The following CLCN3 variants were observed in gnomAD, a reference collection of about 807,000 sequenced individuals.
CLCN3 encodes H(+)/Cl(-) exchange transporter 3.
CLCN3 carries 16 observed loss-of-function variants against 83.4 expected under a neutral mutation model. That is an observed-to-expected ratio of 0.19 (90% confidence interval 0.13 to 0.29). CLCN3 has a LOEUF of 0.29. CLCN3 is among the 10% of genes least tolerant of loss of function. CLCN3 has a pLI of 1.00. For synonymous variants in CLCN3, 322 were observed against 346.2 expected (o/e 0.93, Z 0.78); for missense variants, 544 against 1,006.0 (o/e 0.54, Z 6.21).
rs894607013 is a variant in CLCN3, at chr4:169,723,671, A to G, written c.*3674A>G. The G allele has an allele frequency of 6.6e-6, 1 of 152,254 alleles. No individual in the cohort carries two copies. The highest frequency in any genetic ancestry group is 2.4e-5 in the African/African-American group (1 of 41,470). 9.4% of individuals were successfully genotyped at this position (152,254 alleles called of 1,614,324 possible). A position where few individuals can be genotyped will look rare whatever the true frequency, so the allele number is the denominator to read the frequency against. On this transcript the variant is annotated 3_prime_UTR_variant, in exon 13 of 13. Transcript: ENST00000513761. ...GCTTTTAGTAAAAAGGAACACACTA[A>G]AAGTTCAGAGTAGATCATTTATATT...
intron 1 of CLCN3, among the ~76,000 whole-genome samples, chr4:169,621,869 TGTTCA>T (rs1420235608): frequency 6.6e-6 from 1 of 152,226 alleles, no homozygotes; most frequent in Non-Finnish European, 1.5e-5. Context: ...AAATAATATT[TGTTCA>T]GTTCAGGAGT....
At chr4:169,633,882 A>T (rs1773441799) in intron 1 of CLCN3, among the ~76,000 whole-genome samples, 1 of 152,156 alleles carries the variant, frequency 6.6e-6, no homozygotes, top group Non-Finnish European at 1.5e-5. Context: ...CAATGGCTCG[A>T]TAGCCGTATG....
In CLCN3 at chr4:169,720,061, T is replaced by C. The variant is rs779171393; in HGVS notation, c.*64T>C. ...GTTTATTTGTTGAATAGCACAACTC[T>C]TTAACCTGAGGGAGTCATCTACTTT... On this transcript the variant is annotated 3_prime_UTR_variant, in exon 13 of 13. Coordinates refer to ENST00000513761, the MANE Select transcript of CLCN3 (RefSeq NM_001829.4). 4.4e-6 allele frequency: 7 copies of C among 1,595,134 alleles called. No individual in the cohort carries two copies. The highest frequency in any genetic ancestry group is 6.0e-6 in the Non-Finnish European group (7 of 1,173,186).
intron 2 of CLCN3, among the ~76,000 whole-genome samples, chr4:169,645,960 A>G (rs542523229): frequency 6.6e-6 from 1 of 152,102 alleles, no homozygotes; most frequent in Non-Finnish European, 1.5e-5. Flanking sequence ...AAATTATCCT[A>G]GTAATTTCTG....
At chr4:169,719,831 GGATTTAGCTATA>G in intron 12 of CLCN3, 64 bp from the exon 13 acceptor site, 1 of 1,209,794 alleles carries the variant, frequency 8.3e-7, no homozygotes, top group East Asian at 2.4e-5. Flanking sequence ...TCAACAAAAA[GGATTTAGCTATA>G]GATTTAGCTT....
intron 9 of CLCN3, among the ~76,000 whole-genome samples, chr4:169,699,346 A>T (rs1732688533): frequency 6.6e-6 from 1 of 152,200 alleles, no homozygotes; most frequent in South Asian, 2.1e-4. Flanking sequence ...AGTAAATATA[A>T]TTTCTTATGT....
intron 1 of CLCN3, among the ~76,000 whole-genome samples, chr4:169,634,334 G>GT (rs1328035774): frequency 6.6e-6 from 1 of 152,164 alleles, no homozygotes; most frequent in Non-Finnish European, 1.5e-5. Flanking sequence ...TAAAAACAGA[G>GT]TGTCTGTGTT....
At chr4:169,698,219 T>C (rs1215887978) in intron 9 of CLCN3, among the ~76,000 whole-genome samples, 4 of 152,210 alleles carry the variant, frequency 2.6e-5, no homozygotes, top group Non-Finnish European at 5.9e-5. Flanking sequence ...ACCTCAAGCA[T>C]TTATCCCTTG....
At position 169,720,139 on chromosome 4, in the gene CLCN3, A is replaced by C; in HGVS notation, c.*142A>C. On this transcript the variant is annotated 3_prime_UTR_variant, in exon 13 of 13. Transcript: ENST00000513761. The stretch of plus-strand genomic sequence containing the variant: ...GAAATATAAAAGCCGGGTTTTTGCA[A>C]CATGGTTTGCAAATAATGCTGGTGG... 7.6e-7 allele frequency: 1 copy of C among 1,309,880 alleles called. No individual in the cohort carries two copies. The highest frequency in any genetic ancestry group is 2.2e-5 in the Admixed American group (1 of 44,712). The allele number at this position is 1,309,880 out of a possible 1,614,324, so 81.1% of individuals were successfully genotyped here. A position where few individuals can be genotyped will look rare whatever the true frequency, so the allele number is the denominator to read the frequency against.
In CLCN3 at chr4:169,621,068, G is replaced by A; in HGVS notation, c.-17+5G>A. The A allele has an allele frequency of 2.5e-6, 1 of 397,172 alleles. No individual in the cohort carries two copies. Among genetic ancestry groups the A allele is most frequent in the East Asian group, 3.6e-5 (1 of 28,036 alleles). The allele number at this position is 397,172 out of a possible 1,614,324, so 24.6% of individuals were successfully genotyped here. The stretch of plus-strand genomic sequence containing the variant: ...GCTATGTCTCTGAGCTGCGAGGTGA[G>A]TTGCATTGTATGAGCGAAGAGTTGT... On this transcript the variant is annotated splice_donor_5th_base_variant and intron_variant, in intron 1 of 12. Coordinates refer to ENST00000513761, the MANE Select transcript of CLCN3 (RefSeq NM_001829.4).
In CLCN3 at chr4:169,620,618, C is replaced by G. The variant is rs1006509830; in HGVS notation, c.-462C>G. 4 of 397,336 alleles carry G rather than the reference C, an allele frequency of 1.0e-5. No homozygotes were observed. The highest frequency in any genetic ancestry group is 6.2e-5 in the African/African-American group (3 of 48,642). 24.6% of individuals were successfully genotyped at this position (397,336 alleles called of 1,614,324 possible). A position where few individuals can be genotyped will look rare whatever the true frequency, so the allele number is the denominator to read the frequency against. ...GGGTCAGGGCCGGTCCGGTCCGGAA[C>G]CTGCAGCCCCTTTCCCAGTGTTCTA... On this transcript the variant is annotated 5_prime_UTR_variant, in exon 1 of 13. Coordinates refer to ENST00000513761, the MANE Select transcript of CLCN3 (RefSeq NM_001829.4).
At chr4:169,674,210 A>ACATTT (rs1731589477) in intron 2 of CLCN3, among the ~76,000 whole-genome samples, 1 of 152,110 alleles carries the variant, frequency 6.6e-6, no homozygotes, top group African/African-American at 2.4e-5. Context: ...CATAACCTTG[A>ACATTT]CATTTTTGGA....
At chr4:169,667,156 A>C (rs1347041338) in intron 2 of CLCN3, among the ~76,000 whole-genome samples, 3 of 152,122 alleles carry the variant, frequency 2.0e-5, no homozygotes, top group African/African-American at 7.2e-5. Context: ...ATCCATTTTT[A>C]GCTAATTTTT....
chr4:169,661,045 T>G (rs1731039675), intron 2 of CLCN3, among the ~76,000 whole-genome samples: 2 of 152,146 alleles, frequency 1.3e-5, no homozygotes, highest in South Asian at 4.1e-4. Flanking sequence ...TGAAATTTGA[T>G]ATGATAAAAC....
chr4:169,688,922 T>C (rs564861355), intron 4 of CLCN3, 121 bp from the exon 5 acceptor site: 487 of 683,368 alleles, frequency 7.1e-4, no homozygotes, highest in Non-Finnish European at 1.1e-3. Flanking sequence ...AATTTATATG[T>C]AGTTCATAAA....
At chr4:169,621,753 A>T (rs1242798932) in intron 1 of CLCN3, among the ~76,000 whole-genome samples, 1 of 152,236 alleles carries the variant, frequency 6.6e-6, no homozygotes, top group Non-Finnish European at 1.5e-5. Flanking sequence ...TAATTGTTGA[A>T]TCTTTCCAGA....
intron 11 of CLCN3, among the ~76,000 whole-genome samples, chr4:169,710,338 T>C (rs1581280547): frequency 6.6e-6 from 1 of 152,172 alleles, no homozygotes; most frequent in African/African-American, 2.4e-5. Context: ...GATCTTGGCT[T>C]ACTTGATCCT....
chr4:169,639,104 AC>A (rs1478179972), intron 2 of CLCN3, among the ~76,000 whole-genome samples: 3 of 152,182 alleles, frequency 2.0e-5, no homozygotes, highest in Non-Finnish European at 2.9e-5. Context: ...ATGATGGCTA[AC>A]TACAGCCTTT....
chr4:169,682,895 CATA>C (rs1295069241), intron 3 of CLCN3, among the ~76,000 whole-genome samples: 3 of 152,148 alleles, frequency 2.0e-5, no homozygotes, highest in African/African-American at 7.2e-5. Flanking sequence ...GAAAAAGGCA[CATA>C]ATGTCTTGTA....
Sources: allele counts gnomAD v4.1 joint callset (sites outside exome capture counted in the v4.1 genomes callset), GRCh38; gene constraint gnomAD v4.1.1; transcripts MANE v1.5; gene names NCBI Gene and HGNC (gene_info 2026-07-23, HGNC 2026-07-21).